PPP3CB: variants seen among roughly 807,000 people sequenced by gnomAD.
The protein encoded by PPP3CB is protein phosphatase 3 catalytic subunit beta.
PPP3CB carries 8 observed loss-of-function variants against 66.4 expected under a neutral mutation model. The observed-to-expected ratio is 0.12, with a 90% CI of 0.07 to 0.22. The LOEUF is 0.22. PPP3CB is among the 10% of genes least tolerant of loss of function. The probability of loss-of-function intolerance (pLI) is 1.00; values close to 1 mark genes in which losing one functional copy is unlikely to be tolerated. For synonymous variants in PPP3CB, 208 were observed against 221.2 expected, an observed-to-expected ratio of 0.94 and a Z score of 0.53; for missense variants, 319 against 642.5, an observed-to-expected ratio of 0.50 and a Z score of 5.44.
intron 10 of PPP3CB, among the ~76,000 whole-genome samples, chr10:73,451,665 G>C (rs2056346245): frequency 6.6e-6 from 1 of 151,746 alleles, no homozygotes; most frequent in South Asian, 2.1e-4. Flanking sequence ...CGCTTTTTGA[G>C]AGGCTGAGGT....
At chr10:73,487,742 A>G (rs1444389099) in intron 1 of PPP3CB, among the ~76,000 whole-genome samples, 1 of 151,548 alleles carries the variant, frequency 6.6e-6, no homozygotes, top group African/African-American at 2.4e-5. Context: ...ATAATCCTAC[A>G]TGATTCCCAG....
intron 4 of PPP3CB, among the ~76,000 whole-genome samples, chr10:73,472,749 G>A (rs988857506): frequency 2.6e-5 from 4 of 152,068 alleles, no homozygotes; most frequent in African/African-American, 9.7e-5. Flanking sequence ...AAAAGCTGAG[G>A]GGTTCCTCTT....
At chr10:73,481,746 A>G (rs1381355405) in intron 1 of PPP3CB, among the ~76,000 whole-genome samples, 1 of 151,986 alleles carries the variant, frequency 6.6e-6, no homozygotes, top group Non-Finnish European at 1.5e-5. Context: ...CAAGTGAGGT[A>G]AGAACTAAGG....
intron 4 of PPP3CB, among the ~76,000 whole-genome samples, chr10:73,474,574 A>G (rs573393954): frequency 2.1e-4 from 32 of 151,332 alleles, no homozygotes; most frequent in Middle Eastern, 3.4e-3. Flanking sequence ...CTGGGACTAC[A>G]AGAGTGTGCC....
chr10:73,462,888 T>C lies in PPP3CB; in HGVS notation c.1108+4665A>G, dbSNP rs987524127. On this transcript the variant is annotated intron_variant, in intron 9 of 13. Coordinates refer to ENST00000360663, the MANE Select transcript of PPP3CB (RefSeq NM_021132.4). The stretch of plus-strand genomic sequence containing the variant: ...CTGCTTGAACCTGGGAAATGGAGAT[T>C]GCAGTGAGCTGAGATCACACCACTG... Among the ~76,000 whole-genome samples the C allele has an allele frequency of 3.6e-5, 5 of 139,580 alleles. No homozygotes were observed. In the Admixed American group the frequency reaches 3.9e-4, roughly 11 times the overall value. 91.6% of individuals were successfully genotyped at this position (139,580 alleles called of 152,430 possible). A position where few individuals can be genotyped will look rare whatever the true frequency, so the allele number is the denominator to read the frequency against.
chr10:73,494,670 G>T (rs542174955), intron 1 of PPP3CB, among the ~76,000 whole-genome samples: 1 of 151,194 alleles, frequency 6.6e-6, no homozygotes, highest in Non-Finnish European at 1.5e-5. Flanking sequence ...AAAGAAAAAA[G>T]GTTTCCTTGT....
In PPP3CB at chr10:73,438,159, G is replaced by T; in HGVS notation, c.*83C>A. On this transcript the variant is annotated 3_prime_UTR_variant, in exon 14 of 14. Transcript: ENST00000360663. The stretch of plus-strand genomic sequence containing the variant: ...CTTCAGAGAGACTGTGAAATTTACA[G>T]TCAGCTTGGCCGACCCCTCCAGCTC... 7.4e-7 allele frequency: 1 copy of T among 1,343,208 alleles called. No individual in the cohort carries two copies. Among genetic ancestry groups the T allele is most frequent in the Non-Finnish European group, 1.0e-6 (1 of 976,036 alleles). The allele number at this position is 1,343,208 out of a possible 1,614,324, so 83.2% of individuals were successfully genotyped here.
intron 11 of PPP3CB, among the ~76,000 whole-genome samples, chr10:73,446,176 C>T (rs113360324): frequency 7.1e-4 from 107 of 151,338 alleles, no homozygotes; most frequent in African/African-American, 2.5e-3. Flanking sequence ...CTCGGCTCAC[C>T]GCAACTTCTG....
In PPP3CB at chr10:73,469,268, C is replaced by T. The variant is rs572404022; in HGVS notation, c.982+1419G>A. Reference sequence around the variant, plus strand: ...TTTGAGAATGGAATCAGGGCAGGGGCGCAGTGGCTCAGGCCTATAATCGCA... The same window carrying T: ...TTTGAGAATGGAATCAGGGCAGGGGTGCAGTGGCTCAGGCCTATAATCGCA... On this transcript the variant is annotated intron_variant, in intron 8 of 13. Coordinates refer to ENST00000360663, the MANE Select transcript of PPP3CB (RefSeq NM_021132.4). 6.0e-4 allele frequency among the ~76,000 whole-genome samples: 92 copies of T among 152,286 alleles called. No individual in the cohort carries two copies. The Middle Eastern group carries it at 0.01, about 17-fold the overall frequency.
At chr10:73,483,150 C>T (rs1180657372) in intron 1 of PPP3CB, among the ~76,000 whole-genome samples, 1 of 152,152 alleles carries the variant, frequency 6.6e-6, no homozygotes, top group African/African-American at 2.4e-5. Context: ...TGACTCCATG[C>T]CACAGTTAGT....
intron 1 of PPP3CB, among the ~76,000 whole-genome samples, chr10:73,489,616 T>G (rs2057040099): frequency 1.3e-5 from 2 of 152,154 alleles, no homozygotes; most frequent in African/African-American, 4.8e-5. Context: ...GCAAGAAGGT[T>G]ATTAAGTAGT....
chr10:73,478,425 T>C, intron 3 of PPP3CB, 74 bp downstream of exon 3: 1 of 1,392,288 alleles, frequency 7.2e-7, no homozygotes, highest in Non-Finnish European at 9.8e-7. Flanking sequence ...CAGGTACTTG[T>C]GAAAACTAGG....
intron 9 of PPP3CB, among the ~76,000 whole-genome samples, chr10:73,465,926 G>A (rs757466254): frequency 6.6e-6 from 1 of 152,172 alleles, no homozygotes; most frequent in Non-Finnish European, 1.5e-5. Flanking sequence ...TTAGAGAGAT[G>A]TGAATAATTT....
intron 9 of PPP3CB, among the ~76,000 whole-genome samples, chr10:73,455,771 C>G (rs918054632): frequency 1.5e-4 from 23 of 152,286 alleles, no homozygotes; most frequent in African/African-American, 5.3e-4. Context: ...GGGGTTTCAC[C>G]GTGTTAGCCA....
chr10:73,481,152 CAG>C (rs1278383510), intron 1 of PPP3CB, among the ~76,000 whole-genome samples: 1 of 149,430 alleles, frequency 6.7e-6, no homozygotes, highest in South Asian at 2.1e-4. Context: ...TCCCTCTTTC[CAG>C]ATTTTTTTTT....
chr10:73,491,099 C>A lies in PPP3CB; in HGVS notation c.85+4706G>T, dbSNP rs188307402. Among the ~76,000 whole-genome samples the A allele has an allele frequency of 3.7e-5, 5 of 134,356 alleles. No individual in the cohort carries two copies. The East Asian group carries it at 1.3e-3, about 34-fold the overall frequency. The allele number at this position is 134,356 out of a possible 152,430, so 88.1% of individuals were successfully genotyped here. On this transcript the variant is annotated intron_variant, in intron 1 of 13. Transcript: ENST00000360663. ...AGGCTGGAGTGCAGTGGCATGAACT[C>A]GGCTCACTGCAATCTCCGCCTCGCA...
chr10:73,465,555 C>T (rs1317589483), intron 9 of PPP3CB, among the ~76,000 whole-genome samples: 1 of 152,012 alleles, frequency 6.6e-6, no homozygotes, highest in Non-Finnish European at 1.5e-5. Flanking sequence ...GAGCGAGACT[C>T]TGTCTCTATA....
rs2132993842 is a variant in PPP3CB at position 73,482,822 on chromosome 10, T to C, written c.86-3305A>G. ...TAGTAGAGATAGGGTTTCACCATGT[T>C]GGCCAGGCTGGTCTCAAACTCCTAA... is the stretch of plus-strand genomic sequence containing the variant. On this transcript the variant is annotated intron_variant, in intron 1 of 13. Transcript: ENST00000360663. Among the ~76,000 whole-genome samples the C allele has an allele frequency of 2.6e-5, 4 of 152,204 alleles. No individual in the cohort carries two copies. The Middle Eastern group carries it at 0.014, about 518-fold the overall frequency.
intron 4 of PPP3CB, among the ~76,000 whole-genome samples, chr10:73,474,323 G>A (rs1589707369): frequency 6.6e-6 from 1 of 152,068 alleles, no homozygotes; most frequent in East Asian, 1.9e-4. Context: ...TTACAAGCGT[G>A]AGCTACCGTG....
Sources: allele counts gnomAD v4.1 joint callset (sites outside exome capture counted in the v4.1 genomes callset), GRCh38; gene constraint gnomAD v4.1.1; transcripts MANE v1.5; gene names NCBI Gene and HGNC (gene_info 2026-07-23, HGNC 2026-07-21).